Variants in NR5A2 observed in about 807,000 individuals in gnomAD.
NR5A2 encodes nuclear receptor subfamily 5 group A member 2.
A neutral mutation model predicts 62.7 loss-of-function variants in NR5A2; 26 were observed. That is an observed-to-expected ratio of 0.41 (90% CI 0.30 to 0.58). The LOEUF is 0.58. Ranked by LOEUF, NR5A2 falls within the 20% of genes least tolerant of loss-of-function variation. The pLI is 0.22. For missense variants in NR5A2, 541 were observed against 669.1 expected (o/e 0.81, Z 2.11); for synonymous variants, 246 against 241.7 (o/e 1.02, Z -0.16).
At chr1:200,047,410 A>G (rs1284047039) in intron 4 of NR5A2, among the ~76,000 whole-genome samples, 2 of 152,154 alleles carry the variant, frequency 1.3e-5, no homozygotes, top group African/African-American at 4.8e-5. Flanking sequence ...GGAGGAAGGT[A>G]TCTTGTGGGA....
intron 7 of NR5A2, among the ~76,000 whole-genome samples, chr1:200,137,382 T>C (rs1667272403): frequency 6.7e-6 from 1 of 150,018 alleles, no homozygotes; most frequent in Non-Finnish European, 1.5e-5. Flanking sequence ...GCCAAGCTGG[T>C]TTCGAACTCC....
At chr1:200,036,665 A>C (rs1661791273) in intron 1 of NR5A2, among the ~76,000 whole-genome samples, 1 of 152,126 alleles carries the variant, frequency 6.6e-6, no homozygotes, top group Non-Finnish European at 1.5e-5. Flanking sequence ...GGATCTTGAC[A>C]TCCTTCCAGG....
In NR5A2 at chr1:200,039,869, T is replaced by A; in HGVS notation, c.202+74T>A. On this transcript the variant is annotated intron_variant, in intron 2 of 7. Transcript: ENST00000367362. This position sits in a 1 kb window ranked among gnomAD's most constrained non-coding sequence, Gnocchi z 5.1. ...CGGGCTCGCCCTGCAGGCTTCAGCC[T>A]CCCGCCCCGCGCGGGCGCGGGAGTA... 3.4e-6 allele frequency: 5 copies of A among 1,473,340 alleles called. No individual in the cohort carries two copies. Among genetic ancestry groups the A allele is most frequent in the Non-Finnish European group, 4.5e-6 (5 of 1,121,334 alleles). 91.3% of individuals were successfully genotyped at this position (1,473,340 alleles called of 1,614,324 possible).
chr1:200,057,615 AT>A, intron 5 of NR5A2: 1 of 353,794 alleles, frequency 2.8e-6, no homozygotes, highest in Non-Finnish European at 5.6e-6. Context: ...AGTAGCTGGG[AT>A]TACAGGCGTG....
chr1:200,070,656 G>A (rs181656070), intron 5 of NR5A2, among the ~76,000 whole-genome samples: 3 of 146,812 alleles, frequency 2.0e-5, no homozygotes, highest in Non-Finnish European at 4.5e-5. Context: ...CTCCAGCCTA[G>A]GTGACAGAGT....
intron 5 of NR5A2, among the ~76,000 whole-genome samples, chr1:200,049,414 G>T (rs1296591434): frequency 2.6e-5 from 4 of 152,184 alleles, no homozygotes; most frequent in African/African-American, 9.7e-5. Context: ...TGGGCAAATG[G>T]TGAGTGCTAG....
rs75515364 is a variant in NR5A2 at position 200,105,392 on chromosome 1, C to T, written c.1111-5810C>T. On this transcript the variant is annotated intron_variant, in intron 5 of 7. Transcript: ENST00000367362. Reference sequence around the variant, plus strand: ...CCTTCTCTGACCCCCTAGGAAGCCTCCCCAAGAAATGGAATGGTATAAACT... The same window carrying T: ...CCTTCTCTGACCCCCTAGGAAGCCTTCCCAAGAAATGGAATGGTATAAACT... Among the ~76,000 whole-genome samples the T allele has an allele frequency of 6.1e-3, 922 of 152,264 alleles. 10 individuals are homozygous for T. The highest frequency in any genetic ancestry group is 0.021 in the African/African-American group (875 of 41,560).
chr1:200,167,021 C>A (rs1653933932), intron 7 of NR5A2, among the ~76,000 whole-genome samples: 1 of 152,088 alleles, frequency 6.6e-6, no homozygotes, highest in South Asian at 2.1e-4. Flanking sequence ...GGATAGAATC[C>A]TTTACAATTT....
At chr1:200,096,152 A>G (rs186685289) in intron 5 of NR5A2, among the ~76,000 whole-genome samples, 2 of 152,212 alleles carry the variant, frequency 1.3e-5, no homozygotes, top group Admixed American at 1.3e-4. Flanking sequence ...GGAGTGCACT[A>G]TCTTAGCTCA....
intron 5 of NR5A2, among the ~76,000 whole-genome samples, chr1:200,095,681 T>G (rs571937812): frequency 1.3e-5 from 2 of 151,488 alleles, no homozygotes; most frequent in South Asian, 4.2e-4. Flanking sequence ...GCCTCCCGAG[T>G]AGCTGGGACT....
intron 7 of NR5A2, among the ~76,000 whole-genome samples, chr1:200,155,477 T>G (rs762830652): frequency 6.6e-6 from 1 of 152,072 alleles, no homozygotes; most frequent in Non-Finnish European, 1.5e-5. Context: ...CTTAAAGAAG[T>G]GTTTGCTTTA....
intron 7 of NR5A2, among the ~76,000 whole-genome samples, chr1:200,168,210 C>CTT (rs1164744059): frequency 0.11 from 15,186 of 141,060 alleles, 855 homozygotes; most frequent in South Asian, 0.14. Flanking sequence ...TTTATATCTA[C>CTT]TTTTTTTTTT....
intron 7 of NR5A2, among the ~76,000 whole-genome samples, chr1:200,167,194 T>A (rs1427710369): frequency 1.3e-5 from 2 of 152,150 alleles, no homozygotes; most frequent in African/African-American, 2.4e-5. Context: ...GGCCATTTCC[T>A]GGACATCTTC....
At chr1:200,030,401 A>G (rs953535976) in intron 1 of NR5A2, among the ~76,000 whole-genome samples, 5 of 152,202 alleles carry the variant, frequency 3.3e-5, no homozygotes, top group Admixed American at 6.5e-5. Flanking sequence ...AGCAGAATTA[A>G]GATAAAGTTG....
At chr1:200,038,012 G>A (rs1661857552) in intron 1 of NR5A2, among the ~76,000 whole-genome samples, 1 of 152,224 alleles carries the variant, frequency 6.6e-6, no homozygotes, top group Non-Finnish European at 1.5e-5. Flanking sequence ...CCCCTTGTGG[G>A]TGGACTCTGA....
intron 5 of NR5A2, among the ~76,000 whole-genome samples, chr1:200,073,268 T>TTATATATATATATATATATATA (rs371537456): frequency 5.4e-5 from 6 of 111,208 alleles, no homozygotes; most frequent in African/African-American, 1.8e-4. Context: ...ATATTCCCCT[T>TTATATATATATATATATATATA]TATATATATA....
intron 6 of NR5A2, among the ~76,000 whole-genome samples, chr1:200,117,682 T>C (rs535059049): frequency 6.6e-6 from 1 of 152,274 alleles, no homozygotes; most frequent in African/African-American, 2.4e-5. Flanking sequence ...AGTATGGTCT[T>C]CCTGATTCAG....
At chr1:200,096,252 T>A (rs1462788234) in intron 5 of NR5A2, among the ~76,000 whole-genome samples, 2 of 152,124 alleles carry the variant, frequency 1.3e-5, no homozygotes, top group African/African-American at 2.4e-5. Flanking sequence ...CATGCCTGAC[T>A]AATTTTTGTA....
intron 5 of NR5A2, chr1:200,057,819 T>C (rs2821381): frequency 0.038 from 6,724 of 179,258 alleles, 500 homozygotes; most frequent in African/African-American, 0.15. Flanking sequence ...TTTTTTGAGA[T>C]GGAGTTACAC....
Sources: allele counts gnomAD v4.1 joint callset (sites outside exome capture counted in the v4.1 genomes callset), GRCh38; gene constraint gnomAD v4.1.1; non-coding constraint Gnocchi (gnomAD v3.1); transcripts MANE v1.5; gene names NCBI Gene and HGNC (gene_info 2026-07-23, HGNC 2026-07-21).